GRM7: variants seen among roughly 807,000 people sequenced by gnomAD.
GRM7 encodes glutamate metabotropic receptor 7.
In GRM7, 35 loss-of-function variants were observed where a neutral mutation model predicts 84.5. That is an observed-to-expected ratio of 0.41 (90% CI 0.32 to 0.55). GRM7 has a LOEUF of 0.55. Ranked by LOEUF, GRM7 falls within the 20% of genes least tolerant of loss-of-function variation. GRM7 has a pLI of 0.19. For missense variants in GRM7, 1,003 were observed against 1,194.6 expected (o/e 0.84, Z 2.36); for synonymous variants, 487 against 455.1 (o/e 1.07, Z -0.89).
intron 4 of GRM7, among the ~76,000 whole-genome samples, chr3:7,378,858 A>G (rs1004901647): frequency 2.0e-5 from 3 of 152,280 alleles, no homozygotes; most frequent in African/African-American, 7.2e-5. Flanking sequence ...AGAATCCCAG[A>G]CATCCTACTT....
Position 6,863,384 on chromosome 3 carries a change from A to G in GRM7, c.519+1477A>G, listed in dbSNP as rs997028378. On this transcript the variant is annotated intron_variant, in intron 1 of 9. Transcript: ENST00000357716. The surrounding 1 kb of genome is among the most constrained non-coding windows in gnomAD (Gnocchi z 4.8). ...GCTTTCCCAAAAGGTGTTGGGCTTC[A>G]GAAGGGGACTCTGTGAGACCCAGGC... Among the ~76,000 whole-genome samples the G allele has an allele frequency of 1.3e-5, 2 of 152,126 alleles. No individual in the cohort carries two copies. Among genetic ancestry groups the G allele is most frequent in the Non-Finnish European group, 1.5e-5 (1 of 68,018 alleles).
chr3:7,302,470 C>G (rs937736190), intron 3 of GRM7, among the ~76,000 whole-genome samples: 2 of 152,078 alleles, frequency 1.3e-5, no homozygotes, highest in Non-Finnish European at 2.9e-5. Flanking sequence ...TTTTTACTTT[C>G]TTTTCCTGTT....
At chr3:7,400,006 A>G (rs1024732989) in intron 4 of GRM7, among the ~76,000 whole-genome samples, 3 of 152,194 alleles carry the variant, frequency 2.0e-5, no homozygotes, top group Admixed American at 6.5e-5. Context: ...GGTTTACATA[A>G]GTTATTACAT....
intron 2 of GRM7, among the ~76,000 whole-genome samples, chr3:7,179,589 C>T (rs1695270994): frequency 6.6e-6 from 1 of 152,226 alleles, no homozygotes; most frequent in African/African-American, 2.4e-5. Context: ...TATCCACCTA[C>T]TGGCTTATAC....
In GRM7 at chr3:6,866,360, A is replaced by G. The variant is rs1158793155; in HGVS notation, c.519+4453A>G. On this transcript the variant is annotated intron_variant, in intron 1 of 9. Coordinates refer to ENST00000357716, the MANE Select transcript of GRM7 (RefSeq NM_000844.4). ...ATCTGCTTTTTTTTTTTTCTTTAAA[A>G]ATGTAGTTTCTAAAAGTCTGTAATC... Among the ~76,000 whole-genome samples, 4 of 151,994 alleles carry G rather than the reference A, an allele frequency of 2.6e-5. No homozygotes were observed. The East Asian group carries it at 5.8e-4, about 22-fold the overall frequency.
At position 7,023,099 on chromosome 3, in the gene GRM7, A is replaced by G. The variant is rs1447554768; in HGVS notation, c.520-123353A>G. Among the ~76,000 whole-genome samples, 4 of 151,932 alleles carry G rather than the reference A, an allele frequency of 2.6e-5. No homozygotes were observed. In the South Asian group the frequency reaches 6.4e-4, roughly 24 times the overall value. On this transcript the variant is annotated intron_variant, in intron 1 of 9. Coordinates refer to ENST00000357716, the MANE Select transcript of GRM7 (RefSeq NM_000844.4). ...CGAATGGTGGAGTCGCACAGGAACA[A>G]AAGTTGTCTCATTATGCAGATAGAG...
intron 2 of GRM7, among the ~76,000 whole-genome samples, chr3:7,282,071 A>G (rs1699270780): frequency 6.6e-6 from 1 of 152,178 alleles, no homozygotes; most frequent in Non-Finnish European, 1.5e-5. Flanking sequence ...CGACAGGATG[A>G]GACTCCATCT....
chr3:7,287,285 G>A (rs1437366757), intron 2 of GRM7, among the ~76,000 whole-genome samples: 1 of 152,076 alleles, frequency 6.6e-6, no homozygotes, highest in Non-Finnish European at 1.5e-5. Flanking sequence ...CTTGACTTCT[G>A]TTGGAATTCT....
At chr3:6,868,887 G>T (rs1227762647) in intron 1 of GRM7, among the ~76,000 whole-genome samples, 1 of 152,110 alleles carries the variant, frequency 6.6e-6, no homozygotes, top group Non-Finnish European at 1.5e-5. Flanking sequence ...TTGGTCATTT[G>T]CAGAATTCTC....
intron 5 of GRM7, among the ~76,000 whole-genome samples, chr3:7,428,042 A>C (rs1696682485): frequency 1.3e-5 from 2 of 152,204 alleles, no homozygotes; most frequent in South Asian, 4.1e-4. Flanking sequence ...AGCACCAGCC[A>C]CTACAGAAGC....
chr3:7,174,016 A>G (rs1695066889), intron 2 of GRM7, among the ~76,000 whole-genome samples: 1 of 152,192 alleles, frequency 6.6e-6, no homozygotes, highest in Non-Finnish European at 1.5e-5. Flanking sequence ...TTGAATGCCC[A>G]CAGTAAGAGA....
At chr3:6,873,873 A>T (rs764631653) in intron 1 of GRM7, among the ~76,000 whole-genome samples, 1 of 152,232 alleles carries the variant, frequency 6.6e-6, no homozygotes, top group Non-Finnish European at 1.5e-5. Context: ...GTTGGATGTT[A>T]AGGCAAAGCA....
chr3:7,225,186 A>G (rs1696942784), intron 2 of GRM7, among the ~76,000 whole-genome samples: 1 of 151,892 alleles, frequency 6.6e-6, no homozygotes, highest in Non-Finnish European at 1.5e-5. Flanking sequence ...TAGAAGGAGT[A>G]GGATTAATGC....
intron 2 of GRM7, among the ~76,000 whole-genome samples, chr3:7,269,747 G>A (rs1477359151): frequency 2.0e-5 from 3 of 151,946 alleles, no homozygotes; most frequent in Admixed American, 2.0e-4. Context: ...TCCAGTCTCT[G>A]GACTTTCATT....
chr3:7,715,903 C>T (rs1053040664), intron 9 of GRM7, among the ~76,000 whole-genome samples: 14 of 152,190 alleles, frequency 9.2e-5, no homozygotes, highest in Non-Finnish European at 1.8e-4. Context: ...TTCTCCCACT[C>T]TGCTCATTTC....
rs570219757 is a variant in GRM7 at position 7,501,811 on chromosome 3, A to G, written c.1515+40089A>G. ...CTATGTTCAAGGCACTGTGCAATGCAATGGAAATAAACAATTGGAAACAGT... is the reference window on the plus strand; with the variant it reads ...CTATGTTCAAGGCACTGTGCAATGCGATGGAAATAAACAATTGGAAACAGT... On this transcript the variant is annotated intron_variant, in intron 7 of 9. Transcript: ENST00000357716. Among the ~76,000 whole-genome samples, 15 of 152,320 alleles carry G rather than the reference A, an allele frequency of 9.8e-5. No homozygotes were observed. In the South Asian group the frequency reaches 3.1e-3, roughly 32 times the overall value.
intron 1 of GRM7, among the ~76,000 whole-genome samples, chr3:6,956,835 AG>A (rs1693074527): frequency 1.3e-5 from 2 of 152,248 alleles, no homozygotes; most frequent in Admixed American, 1.3e-4. Context: ...TAATCTTTAA[AG>A]GCAGTCATTG....
intron 8 of GRM7, among the ~76,000 whole-genome samples, chr3:7,599,505 G>A (rs1275794541): frequency 6.6e-6 from 1 of 152,066 alleles, no homozygotes; most frequent in African/African-American, 2.4e-5. Context: ...TAACACCTGG[G>A]ATGTGGGTTT....
At chr3:7,075,532 G>GTGTGTGTGTGTGTGTT (rs1559422775) in intron 1 of GRM7, among the ~76,000 whole-genome samples, 56 of 147,816 alleles carry the variant, frequency 3.8e-4, no homozygotes, top group African/African-American at 1.3e-3. Context: ...GTGTGTGTGT[G>GTGTGTGTGTGTGTGTT]TGTGTGTGTG....
Sources: allele counts gnomAD v4.1 joint callset (sites outside exome capture counted in the v4.1 genomes callset), GRCh38; gene constraint gnomAD v4.1.1; non-coding constraint Gnocchi (gnomAD v3.1); transcripts MANE v1.5; gene names NCBI Gene and HGNC (gene_info 2026-07-23, HGNC 2026-07-21).